The following ANO2 variants were observed in gnomAD, a reference collection of about 807,000 sequenced individuals.
ANO2 encodes anoctamin-2.
A neutral mutation model predicts 124.2 loss-of-function variants in ANO2; 101 were observed. The ratio of observed to expected loss-of-function variants is 0.81; its 90% CI spans 0.69 to 0.96. ANO2 has a LOEUF of 0.96. Ranked by LOEUF, ANO2 falls within the 40% of genes least tolerant of loss-of-function variation. The probability of loss-of-function intolerance (pLI) is 0.00; values close to 1 mark genes in which losing one functional copy is unlikely to be tolerated. For synonymous variants in ANO2, 486 were observed against 482.5 expected (o/e 1.01, Z -0.09); for missense variants, 1,293 against 1,274.5 (o/e 1.01, Z -0.22).
intron 16 of ANO2, among the ~76,000 whole-genome samples, chr12:5,621,194 C>T (rs1404967571): frequency 6.6e-6 from 1 of 152,196 alleles, no homozygotes; most frequent in East Asian, 1.9e-4. Context: ...TGGAGGGCTT[C>T]TCTCCATAAG....
chr12:5,664,433 T>C (rs764667345), intron 14 of ANO2, among the ~76,000 whole-genome samples: 2 of 152,244 alleles, frequency 1.3e-5, no homozygotes, highest in African/African-American at 2.4e-5. Context: ...CCATTTCTTA[T>C]ATGCTTACTA....
chr12:5,750,378 G>C (rs1003681112), intron 11 of ANO2, among the ~76,000 whole-genome samples: 3 of 152,194 alleles, frequency 2.0e-5, no homozygotes, highest in African/African-American at 7.2e-5. Context: ...CTCAGCATTA[G>C]AGCTGCTTGC....
At chr12:5,819,897 T>C (rs531672119) in intron 7 of ANO2, among the ~76,000 whole-genome samples, 2 of 152,288 alleles carry the variant, frequency 1.3e-5, no homozygotes, top group African/African-American at 4.8e-5. Flanking sequence ...CCTACTGTAA[T>C]GGACAGCAGA....
At chr12:5,572,150 A>T (rs1247722192) in intron 23 of ANO2, among the ~76,000 whole-genome samples, 1 of 151,728 alleles carries the variant, frequency 6.6e-6, no homozygotes, top group Non-Finnish European at 1.5e-5. Context: ...CCTAAGAGAG[A>T]CTCCACGCAC....
chr12:5,689,992 C>G (rs949368164), intron 14 of ANO2, among the ~76,000 whole-genome samples: 1 of 152,170 alleles, frequency 6.6e-6, no homozygotes, highest in East Asian at 1.9e-4. Flanking sequence ...GCAGCAGTGA[C>G]ATGTGTAAGT....
At chr12:5,821,755 C>T (rs1953807409) in intron 7 of ANO2, among the ~76,000 whole-genome samples, 1 of 152,190 alleles carries the variant, frequency 6.6e-6, no homozygotes, top group Admixed American at 6.5e-5. Context: ...CTATAATGAA[C>T]TGGGTGCCTT....
intron 4 of ANO2, among the ~76,000 whole-genome samples, chr12:5,847,995 C>T (rs1954738334): frequency 6.6e-6 from 1 of 152,190 alleles, no homozygotes; most frequent in South Asian, 2.1e-4. Flanking sequence ...TATCTTTGAA[C>T]CCAGTTAGCC....
chr12:5,798,574 G>A (rs1952942824), intron 10 of ANO2, among the ~76,000 whole-genome samples: 1 of 152,152 alleles, frequency 6.6e-6, no homozygotes, highest in African/African-American at 2.4e-5. Context: ...GTGACTTCAG[G>A]GCAGTGAGTC....
Position 5,872,635 on chromosome 12 carries a change from T to C in ANO2, c.535-18494A>G, listed in dbSNP as rs115703276. Among the ~76,000 whole-genome samples, 1,158 of 152,292 alleles carry C rather than the reference T, an allele frequency of 7.6e-3. 14 individuals carry two copies. The highest frequency in any genetic ancestry group is 0.026 in the African/African-American group (1,089 of 41,556). Reference sequence around the variant, plus strand: ...ACTTAATAGTATCGAAAATTACATCTTAATTTTTTTTAAATATGCTACCTG... The same window carrying C: ...ACTTAATAGTATCGAAAATTACATCCTAATTTTTTTTAAATATGCTACCTG... On this transcript the variant is annotated intron_variant, in intron 3 of 24. Transcript: ENST00000682330.
At chr12:5,766,540 G>C (rs969763184) in intron 10 of ANO2, among the ~76,000 whole-genome samples, 1 of 152,178 alleles carries the variant, frequency 6.6e-6, no homozygotes, top group African/African-American at 2.4e-5. Flanking sequence ...GCCAACCCTA[G>C]GGAGGCACTA....
rs140195452 is a variant in ANO2 at position 5,710,824 on chromosome 12, G to A, written c.1545+21696C>T. Among the ~76,000 whole-genome samples the A allele has an allele frequency of 4.9e-4, 75 of 152,228 alleles. 1 individual carries two copies. The East Asian group carries it at 9.5e-3, about 19-fold the overall frequency. On this transcript the variant is annotated intron_variant, in intron 14 of 24. Transcript: ENST00000682330. ...GTTTAAAGAAAAAAAATAAACTGAG[G>A]CTGATAGAGTATGAATGTTTGTCTC...
chr12:5,874,466 TTCAA>T (rs1165065909), intron 3 of ANO2, among the ~76,000 whole-genome samples: 16 of 152,216 alleles, frequency 1.1e-4, no homozygotes, highest in African/African-American at 3.9e-4. Flanking sequence ...GTGCTTCATA[TTCAA>T]TCACTTTTAT....
intron 10 of ANO2, among the ~76,000 whole-genome samples, chr12:5,770,115 C>T (rs1952029758): frequency 6.6e-6 from 1 of 152,230 alleles, no homozygotes; most frequent in South Asian, 2.1e-4. Flanking sequence ...AGAAAAGCCC[C>T]TGCTCTTAAC....
intron 3 of ANO2, among the ~76,000 whole-genome samples, chr12:5,882,535 T>C (rs1485777052): frequency 6.6e-6 from 1 of 152,184 alleles, no homozygotes; most frequent in Non-Finnish European, 1.5e-5. Flanking sequence ...GCCTGCTGGC[T>C]AGACAGAGGA....
At chr12:5,659,876 A>ACT (rs775788139) in intron 14 of ANO2, among the ~76,000 whole-genome samples, 8 of 151,496 alleles carry the variant, frequency 5.3e-5, no homozygotes, top group Non-Finnish European at 7.4e-5. Flanking sequence ...GGGATTGGAG[A>ACT]CGCCTCTCCC....
intron 14 of ANO2, among the ~76,000 whole-genome samples, chr12:5,648,023 T>C (rs412316): frequency 0.27 from 40,979 of 152,060 alleles, 6,079 homozygotes; most frequent in African/African-American, 0.38. Context: ...AAAAACAAGA[T>C]TTGATTTCAG....
At chr12:5,770,228 C>A (rs1209067799) in intron 10 of ANO2, among the ~76,000 whole-genome samples, 1 of 150,640 alleles carries the variant, frequency 6.6e-6, no homozygotes, top group Non-Finnish European at 1.5e-5. Context: ...ACCCCATTTG[C>A]CAGTTATATG....
chr12:5,922,589 T>TTCCCCCCC, intron 2 of ANO2, 31 bp downstream of exon 2: 1 of 1,449,812 alleles, frequency 6.9e-7, no homozygotes, highest in African/African-American at 1.5e-5. Flanking sequence ...GGCTGGCCTA[T>TTCCCCCCC]CCCCCCACCC....
chr12:5,603,829 C>A (rs1352440234), intron 19 of ANO2, among the ~76,000 whole-genome samples: 1 of 150,910 alleles, frequency 6.6e-6, no homozygotes, highest in East Asian at 2.0e-4. Flanking sequence ...CCTGTAGTCC[C>A]AGCTACTCGG....
Sources: allele counts gnomAD v4.1 joint callset (sites outside exome capture counted in the v4.1 genomes callset), GRCh38; gene constraint gnomAD v4.1.1; transcripts MANE v1.5; gene names NCBI Gene and HGNC (gene_info 2026-07-23, HGNC 2026-07-21).